Variants in CCDC73 observed in about 807,000 individuals in gnomAD.
CCDC73 encodes the protein coiled-coil domain-containing protein 73.
A neutral mutation model predicts 116.5 loss-of-function variants in CCDC73; 95 were observed. The ratio of observed to expected loss-of-function variants is 0.82; its 90% CI spans 0.69 to 0.97. The LOEUF is 0.97. CCDC73 is among the 50% of genes least tolerant of loss of function. The probability of loss-of-function intolerance (pLI) is 0.00; values close to 1 mark genes in which losing one functional copy is unlikely to be tolerated. For missense variants in CCDC73, 1,066 were observed against 1,206.8 expected, an observed-to-expected ratio of 0.88 and a Z score of 1.73; for synonymous variants, 398 against 401.3, an observed-to-expected ratio of 0.99 and a Z score of 0.10.
At chr11:32,754,524 G>A (rs1447664726) in intron 2 of CCDC73, among the ~76,000 whole-genome samples, 1 of 151,952 alleles carries the variant, frequency 6.6e-6, no homozygotes, top group Non-Finnish European at 1.5e-5. Flanking sequence ...TAACATTCAG[G>A]CATCAAAATG....
At chr11:32,653,533 C>A (rs1390060890) in intron 11 of CCDC73, among the ~76,000 whole-genome samples, 2 of 152,040 alleles carry the variant, frequency 1.3e-5, no homozygotes, top group Admixed American at 1.3e-4. Context: ...TATATCACTA[C>A]TAAAATGTCA....
chr11:32,666,046 C>T (rs1855977932), intron 9 of CCDC73, among the ~76,000 whole-genome samples: 1 of 152,212 alleles, frequency 6.6e-6, no homozygotes, highest in Admixed American at 6.5e-5. Flanking sequence ...GTCTGATGGG[C>T]TTCCCTTTGT....
chr11:32,688,358 T>C (rs1468707625), intron 6 of CCDC73, among the ~76,000 whole-genome samples: 1 of 152,176 alleles, frequency 6.6e-6, no homozygotes, highest in African/African-American at 2.4e-5. Context: ...TACAAAATAA[T>C]GGTCTGTAAT....
In CCDC73 at chr11:32,654,955, GGCT is replaced by G; in HGVS notation, c.660_662del (p.Ala221del). ...TGACTTTGGACTTTATCAAGTCTGA[GGCT>G]GCTTTTTTTAGTTCCTTAATAAGAA... On this transcript the variant is annotated inframe_deletion, in exon 10 of 18. Transcript: ENST00000335185. 1.3e-6 allele frequency: 2 copies of G among 1,592,842 alleles called. No individual in the cohort carries two copies. Among genetic ancestry groups the G allele is most frequent in the Non-Finnish European group, 1.7e-6 (2 of 1,174,618 alleles).
intron 12 of CCDC73, among the ~76,000 whole-genome samples, chr11:32,649,287 T>C (rs954160673): frequency 6.6e-6 from 1 of 152,304 alleles, no homozygotes; most frequent in African/African-American, 2.4e-5. Flanking sequence ...TAAATGACCC[T>C]AGTTAATACT....
In CCDC73 at chr11:32,613,613, A is replaced by T; in HGVS notation, c.2705T>A (p.Met902Lys). The T allele has an allele frequency of 6.2e-7, 1 of 1,614,146 alleles. No individual in the cohort carries two copies. Among genetic ancestry groups the T allele is most frequent in the Middle Eastern group, 1.6e-4 (1 of 6,062 alleles). The change falls in exon 16 of 18, where the codon ATG (methionine) becomes AAG (lysine). Residue 902 changes from methionine to lysine, a missense_variant. Coordinates refer to ENST00000335185, the MANE Select transcript of CCDC73 (RefSeq NM_001008391.4). ...CCAAGGACCGGGGTCTGAAAAATTC[A>T]TGTATACTGGAGTTTTCTCAGTTTT... The part of the protein sequence containing the change: ...DKKTEKTPVY[M>K]NFSDPGPWSK...
At chr11:32,768,947 C>T (rs1818210615) in intron 1 of CCDC73, among the ~76,000 whole-genome samples, 1 of 152,240 alleles carries the variant, frequency 6.6e-6, no homozygotes, top group East Asian at 1.9e-4. Context: ...ATCCAAATGG[C>T]CAATACACCC....
chr11:32,744,212 A>G (rs1850214608), intron 2 of CCDC73, among the ~76,000 whole-genome samples: 1 of 152,194 alleles, frequency 6.6e-6, no homozygotes, highest in African/African-American at 2.4e-5. Flanking sequence ...GATTACATTT[A>G]TTGATATGCA....
At chr11:32,641,333 G>A (rs1855731237) in intron 13 of CCDC73, among the ~76,000 whole-genome samples, 1 of 151,960 alleles carries the variant, frequency 6.6e-6, no homozygotes, top group Admixed American at 6.6e-5. Flanking sequence ...GTCCACCAAT[G>A]TTTAAAGTGA....
At chr11:32,677,724 C>T (rs1281974998) in intron 7 of CCDC73, among the ~76,000 whole-genome samples, 2 of 151,862 alleles carry the variant, frequency 1.3e-5, no homozygotes, top group Non-Finnish European at 2.9e-5. Context: ...GAGGATAAGG[C>T]GGGTAGATCA....
At chr11:32,708,721 T>C (rs914720859) in intron 3 of CCDC73, among the ~76,000 whole-genome samples, 1 of 152,204 alleles carries the variant, frequency 6.6e-6, no homozygotes, top group African/African-American at 2.4e-5. Flanking sequence ...TTGATTGCTA[T>C]TGGTGTAAAG....
chr11:32,767,107 T>G (rs1850449595), intron 1 of CCDC73, among the ~76,000 whole-genome samples: 1 of 152,222 alleles, frequency 6.6e-6, no homozygotes, highest in Admixed American at 6.5e-5. Flanking sequence ...AGCATGGTAC[T>G]GGTACCAAAA....
chr11:32,776,936 A>T (rs7119585), intron 1 of CCDC73, among the ~76,000 whole-genome samples: 6,738 of 36,230 alleles, frequency 0.19, 189 homozygotes, highest in Admixed American at 0.23. Context: ...AAAAAAAAAA[A>T]ATATATATAT....
chr11:32,686,088 G>T (rs947337092), intron 6 of CCDC73, among the ~76,000 whole-genome samples: 1 of 149,612 alleles, frequency 6.7e-6, no homozygotes, highest in Non-Finnish European at 1.5e-5. Context: ...TGTGGCAAGA[G>T]AAACCACTTA....
At chr11:32,611,975 TTAAG>T (rs1364686728) in intron 16 of CCDC73, among the ~76,000 whole-genome samples, 1 of 152,210 alleles carries the variant, frequency 6.6e-6, no homozygotes, top group Non-Finnish European at 1.5e-5. Context: ...TAATGGAATC[TTAAG>T]TAATATATTT....
chr11:32,712,596 T>G (rs1849909770), intron 3 of CCDC73, among the ~76,000 whole-genome samples: 1 of 151,850 alleles, frequency 6.6e-6, no homozygotes, highest in African/African-American at 2.4e-5. Flanking sequence ...GCATGAAAAC[T>G]GAAAAAGAAA....
At chr11:32,810,341 T>G in the CCDC73 span, among the ~76,000 whole-genome samples, 1 of 152,242 alleles carries the variant, frequency 6.6e-6, no homozygotes, top group African/African-American at 2.4e-5. Context: ...ACATGACTAC[T>G]TGCTTTTTGG....
upstream of CCDC73, among the ~76,000 whole-genome samples, chr11:32,795,696 T>C (rs940567599): frequency 1.3e-5 from 2 of 151,864 alleles, no homozygotes; most frequent in Non-Finnish European, 2.9e-5. Context: ...TCAAATTTTT[T>C]TTTTTTTTTT....
At chr11:32,735,083 G>C (rs1470085184) in intron 2 of CCDC73, among the ~76,000 whole-genome samples, 1 of 152,172 alleles carries the variant, frequency 6.6e-6, no homozygotes, top group African/African-American at 2.4e-5. Context: ...GGCAAAAACT[G>C]AAAGCATTCC....
Sources: gnomAD v4.1 joint callset for allele counts (sites outside exome capture counted in the v4.1 genomes callset) on GRCh38, gnomAD v4.1.1 for gene constraint, MANE v1.5 for transcripts, NCBI Gene and HGNC (gene_info 2026-07-23, HGNC 2026-07-21) for gene names.